AFF3: variants seen among roughly 807,000 people sequenced by gnomAD.
AFF3 encodes ALF transcription elongation factor 3.
AFF3 carries 32 observed loss-of-function variants against 129.7 expected under a neutral mutation model. That is an observed-to-expected ratio of 0.25 (90% CI 0.19 to 0.33). AFF3 has a LOEUF of 0.33. Among genes scored for constraint, AFF3 ranks in the 10% least tolerant of loss-of-function variants. The pLI is 1.00. For synonymous variants in AFF3, 644 were observed against 635.4 expected, an observed-to-expected ratio of 1.01 and a Z score of -0.20; for missense variants, 1,373 against 1,592.0, an observed-to-expected ratio of 0.86 and a Z score of 2.34.
chr2:99,552,798 T>C (rs1674527640), intron 24 of AFF3, among the ~76,000 whole-genome samples: 1 of 152,198 alleles, frequency 6.6e-6, no homozygotes, highest in Admixed American at 6.5e-5. Flanking sequence ...CAGCTGGCAG[T>C]GCCATCTGGA....
rs535636733 is a variant in AFF3, at chr2:99,676,153, C to T, written c.1092-3564G>A. On this transcript the variant is annotated intron_variant, in intron 11 of 24. Coordinates refer to ENST00000672756, the MANE Select transcript of AFF3 (RefSeq NM_001386135.1). ...ACTCCTGGGTTCCTCCAGGCCCTACCCCAGCTGATGGGGCCCCCAACCAGG... is the reference window on the plus strand; with the variant it reads ...ACTCCTGGGTTCCTCCAGGCCCTACTCCAGCTGATGGGGCCCCCAACCAGG... Among the ~76,000 whole-genome samples the T allele has an allele frequency of 8.3e-4, 126 of 152,158 alleles. No individual in the cohort carries two copies. In the Middle Eastern group the frequency reaches 0.017, roughly 21 times the overall value.
chr2:99,787,755 AAAC>A (rs879618743), intron 8 of AFF3, among the ~76,000 whole-genome samples: 1 of 152,182 alleles, frequency 6.6e-6, no homozygotes, highest in South Asian at 2.1e-4. Flanking sequence ...ACAAACAAAC[AAAC>A]AACAATCCGG....
rs1575311483 is a variant in AFF3 at position 99,546,286 on chromosome 2, G to A, written c.*5188C>T. 2 of 232,888 alleles carry A rather than the reference G, an allele frequency of 8.6e-6. No individual in the cohort carries two copies. Among genetic ancestry groups the A allele is most frequent in the East Asian group, 1.2e-4 (2 of 16,540 alleles). 14.4% of individuals were successfully genotyped at this position (232,888 alleles called of 1,614,324 possible). ...CTTAGCACAAACCACCTCTGAAAGAGTATCAAGCTCAGTGGTTGGTGAAGC... is the reference window on the plus strand; with the variant it reads ...CTTAGCACAAACCACCTCTGAAAGAATATCAAGCTCAGTGGTTGGTGAAGC... On this transcript the variant is annotated 3_prime_UTR_variant, in exon 25 of 25. Coordinates refer to ENST00000672756, the MANE Select transcript of AFF3 (RefSeq NM_001386135.1).
At chr2:100,032,768 C>G (rs949582103) in intron 4 of AFF3, among the ~76,000 whole-genome samples, 1 of 152,264 alleles carries the variant, frequency 6.6e-6, no homozygotes, top group East Asian at 1.9e-4. Flanking sequence ...ACTGACTTTT[C>G]AATTCCATGT....
At chr2:100,064,496 G>C (rs1687562029) in intron 4 of AFF3, among the ~76,000 whole-genome samples, 2 of 152,220 alleles carry the variant, frequency 1.3e-5, no homozygotes, top group Non-Finnish European at 2.9e-5. Context: ...CTGAATATCT[G>C]AATTGCTACT....
chr2:99,873,978 T>C (rs900049089), intron 7 of AFF3, among the ~76,000 whole-genome samples: 4 of 151,632 alleles, frequency 2.6e-5, no homozygotes, highest in African/African-American at 9.7e-5. Context: ...ATCGAGACCA[T>C]CCTGGATAAC....
intron 22 of AFF3, among the ~76,000 whole-genome samples, chr2:99,556,156 A>G (rs1465329923): frequency 1.3e-5 from 2 of 152,180 alleles, no homozygotes; most frequent in East Asian, 1.9e-4. Flanking sequence ...AAGGCTACTG[A>G]ATGGAGGAAG....
chr2:99,628,360 G>A (rs948247370), intron 13 of AFF3, among the ~76,000 whole-genome samples: 1 of 152,010 alleles, frequency 6.6e-6, no homozygotes, highest in Admixed American at 6.6e-5. Flanking sequence ...CTCTCTGCTT[G>A]CCTATTGTTG....
chr2:99,678,721 A>C (rs1674245194), intron 11 of AFF3, among the ~76,000 whole-genome samples: 1 of 152,244 alleles, frequency 6.6e-6, no homozygotes, highest in African/African-American at 2.4e-5. Flanking sequence ...ATCTCCATTA[A>C]ACATATTCAT....
At chr2:100,046,186 G>A (rs1285534592) in intron 4 of AFF3, among the ~76,000 whole-genome samples, 1 of 152,154 alleles carries the variant, frequency 6.6e-6, no homozygotes, top group Non-Finnish European at 1.5e-5. Context: ...CTTAGCTGGT[G>A]CAGACAATGA....
At chr2:100,030,337 C>T (rs959169776) in intron 4 of AFF3, among the ~76,000 whole-genome samples, 1 of 152,068 alleles carries the variant, frequency 6.6e-6, no homozygotes, top group Non-Finnish European at 1.5e-5. Flanking sequence ...CAACGAGATA[C>T]CGCTACACAC....
At position 99,881,863 on chromosome 2, in the gene AFF3, A is replaced by T. The variant is rs186673636; in HGVS notation, c.874-44339T>A. 5.9e-5 allele frequency among the ~76,000 whole-genome samples: 9 copies of T among 152,342 alleles called. No homozygotes were observed. In the East Asian group the frequency reaches 1.7e-3, roughly 29 times the overall value. On this transcript the variant is annotated intron_variant, in intron 7 of 24. Coordinates refer to ENST00000672756, the MANE Select transcript of AFF3 (RefSeq NM_001386135.1). ...AGTTGCAATTTCTTGTTATGTATTG[A>T]TAAGAACATTACCCGTTCCTATGAT...
intron 20 of AFF3, among the ~76,000 whole-genome samples, chr2:99,561,331 T>A (rs1675453225): frequency 6.6e-6 from 1 of 152,234 alleles, no homozygotes; most frequent in South Asian, 2.1e-4. Flanking sequence ...TCGCACTATC[T>A]CCTCAACATG....
intron 11 of AFF3, among the ~76,000 whole-genome samples, chr2:99,716,756 C>G (rs1678429973): frequency 6.6e-6 from 1 of 151,858 alleles, no homozygotes; most frequent in African/African-American, 2.4e-5. Flanking sequence ...TGGTGCTTCC[C>G]TGTAATCGCA....
At chr2:99,834,292 G>T (rs952210896) in intron 8 of AFF3, among the ~76,000 whole-genome samples, 1 of 152,174 alleles carries the variant, frequency 6.6e-6, no homozygotes, top group Non-Finnish European at 1.5e-5. Flanking sequence ...TGGGCAAGTT[G>T]TGTTTAACTT....
intron 7 of AFF3, among the ~76,000 whole-genome samples, chr2:99,955,682 G>A (rs1210781587): frequency 6.6e-6 from 1 of 152,178 alleles, no homozygotes; most frequent in Non-Finnish European, 1.5e-5. Context: ...TCTGCAGAAA[G>A]AGTGACAGAA....
chr2:99,643,549 T>TGC (rs1684415215), intron 13 of AFF3, among the ~76,000 whole-genome samples: 2 of 152,212 alleles, frequency 1.3e-5, no homozygotes, highest in African/African-American at 4.8e-5. Context: ...TAGTACTGTG[T>TGC]GGCAACTGTG....
intron 18 of AFF3, among the ~76,000 whole-genome samples, chr2:99,576,060 C>T (rs543030100): frequency 6.7e-6 from 1 of 149,654 alleles, no homozygotes; most frequent in East Asian, 2.0e-4. Context: ...TTTTGAGACA[C>T]AGTCTCGCTG....
At chr2:100,034,857 C>T (rs1684782892) in intron 4 of AFF3, among the ~76,000 whole-genome samples, 1 of 152,212 alleles carries the variant, frequency 6.6e-6, no homozygotes, top group Non-Finnish European at 1.5e-5. Flanking sequence ...ATGTCATTCA[C>T]ATTAACTGCC....
Sources: gnomAD v4.1 joint callset for allele counts (sites outside exome capture counted in the v4.1 genomes callset) on GRCh38, gnomAD v4.1.1 for gene constraint, MANE v1.5 for transcripts, NCBI Gene and HGNC (gene_info 2026-07-23, HGNC 2026-07-21) for gene names.